ESF1: variants seen among roughly 807,000 people sequenced by gnomAD.
ESF1 encodes the protein ESF1 nucleolar pre-rRNA processing protein, also known as ESF1 homolog.
In ESF1, 58 loss-of-function variants were observed where a neutral mutation model predicts 92.0. That is an observed-to-expected ratio of 0.63 (90% confidence interval 0.51 to 0.78). ESF1 has a LOEUF of 0.78. Ranked by LOEUF, ESF1 falls within the 30% of genes least tolerant of loss-of-function variation. ESF1 has a pLI of 0.00. For missense variants in ESF1, 922 were observed against 989.1 expected (o/e 0.93, Z 0.91); for synonymous variants, 321 against 313.7 (o/e 1.02, Z -0.24).
chr20:13,734,002 G>A (rs1464663246), intron 9 of ESF1, among the ~76,000 whole-genome samples, 160 bp from the exon 10 acceptor site: 1 of 152,152 alleles, frequency 6.6e-6, no homozygotes, highest in Non-Finnish European at 1.5e-5. Flanking sequence ...ATCATACAGT[G>A]ACATAGGACC....
At position 13,776,037 on chromosome 20, in the gene ESF1, C is replaced by T. The variant is rs762837666; in HGVS notation, c.871G>A (p.Glu291Lys). Residue 291 changes from glutamate (E) to lysine (K), a missense_variant, in exon 3 of 14, where the codon GAG becomes AAG. Transcript: ENST00000617257. ...CCACTGTCACTTTTATCATCATCCT[C>T]ACTATCCTCATCTTCATCCTCCTCT... ...DEEEDEDEDS[E>K]DDDKSDSGPD... 1 of 1,613,932 alleles carries T rather than the reference C, an allele frequency of 6.2e-7. No individual in the cohort carries two copies. The highest frequency in any genetic ancestry group is 1.1e-5 in the South Asian group (1 of 91,072).
At chr20:13,730,328 C>A (rs1032341379) in intron 10 of ESF1, among the ~76,000 whole-genome samples, 1 of 151,814 alleles carries the variant, frequency 6.6e-6, no homozygotes, top group East Asian at 1.9e-4. Flanking sequence ...CCTGCCTCAG[C>A]CTCCCAAAGT....
intron 9 of ESF1, among the ~76,000 whole-genome samples, chr20:13,748,072 T>C (rs1001458838): frequency 6.6e-6 from 1 of 152,220 alleles, no homozygotes; most frequent in Admixed American, 6.5e-5. Context: ...ATAACTCTTA[T>C]GGGACCACTG....
intron 9 of ESF1, among the ~76,000 whole-genome samples, chr20:13,754,669 C>A (rs937252764): frequency 1.3e-5 from 2 of 152,278 alleles, no homozygotes; most frequent in Middle Eastern, 3.4e-3. Context: ...ATTGATCTCC[C>A]CAATTTGGTC....
chr20:13,778,972 G>A (rs970699582), intron 2 of ESF1, among the ~76,000 whole-genome samples: 1 of 152,134 alleles, frequency 6.6e-6, no homozygotes, highest in South Asian at 2.1e-4. Context: ...CCTGGGCCCA[G>A]GAAGTTGCGG....
chr20:13,717,532 A>G lies in ESF1; in HGVS notation c.2116-18T>C, dbSNP rs1350240335. The G allele has an allele frequency of 1.2e-5, 20 of 1,611,900 alleles. No homozygotes were observed. The highest frequency in any genetic ancestry group is 8.5e-7 in the Non-Finnish European group (1 of 1,179,742). Reference sequence around the variant, plus strand: ...ATTTCAGCCTGTAGAGAGCAAAAAAAAGTTCAAATGTACAACAGTGCTTTT... The same window carrying G: ...ATTTCAGCCTGTAGAGAGCAAAAAAGAGTTCAAATGTACAACAGTGCTTTT... On this transcript the variant is annotated intron_variant, in intron 12 of 13. Transcript: ENST00000617257.
chr20:13,748,592 A>ATATTTT (rs1331098586), intron 9 of ESF1, among the ~76,000 whole-genome samples: 8 of 95,722 alleles, frequency 8.4e-5, no homozygotes, highest in African/African-American at 5.1e-4. Context: ...ATATATATAT[A>ATATTTT]TTTTTTTTTT....
chr20:13,780,281 A>G (rs1157574449), intron 2 of ESF1, among the ~76,000 whole-genome samples: 1 of 152,216 alleles, frequency 6.6e-6, no homozygotes, highest in African/African-American at 2.4e-5. Context: ...AAAGATATGT[A>G]AAAAAGTCTG....
chr20:13,719,143 G>A (rs115837221), intron 11 of ESF1, among the ~76,000 whole-genome samples, 159 bp from the exon 12 acceptor site: 1,790 of 152,046 alleles, frequency 0.012, 42 homozygotes, highest in African/African-American at 0.041. Context: ...GAAGACTGTG[G>A]GTATATGAAT....
intron 10 of ESF1, among the ~76,000 whole-genome samples, chr20:13,729,212 GGCGCAACT>G (rs2049924862): frequency 6.6e-6 from 1 of 152,090 alleles, no homozygotes. Flanking sequence ...GAGCCAAGAT[GGCGCAACT>G]GCACTCCAGT....
At chr20:13,719,421 A>G (rs1568707524) in intron 11 of ESF1, among the ~76,000 whole-genome samples, 1 of 152,148 alleles carries the variant, frequency 6.6e-6, no homozygotes, top group Non-Finnish European at 1.5e-5. Context: ...GATTCCATGT[A>G]CTAGTGACAT....
chr20:13,778,709 T>C (rs964662778), intron 2 of ESF1, among the ~76,000 whole-genome samples: 2 of 152,190 alleles, frequency 1.3e-5, no homozygotes, highest in Non-Finnish European at 2.9e-5. Context: ...TCCATTTCAA[T>C]GTTTTTAACA....
intron 1 of ESF1, among the ~76,000 whole-genome samples, chr20:13,783,825 TAAGA>T (rs570497212): frequency 5.5e-4 from 83 of 152,204 alleles, no homozygotes; most frequent in African/African-American, 2.0e-3. Context: ...CAAAAAAAAG[TAAGA>T]AAGAAAGATT....
intron 11 of ESF1, 67 bp downstream of exon 11, chr20:13,728,311 T>C (rs112944456): frequency 8.2e-7 from 1 of 1,213,950 alleles, no homozygotes; most frequent in Non-Finnish European, 1.2e-6. Flanking sequence ...TTAGTTTATA[T>C]TGCTTCCATG....
chr20:13,759,868 A>T lies in ESF1; in HGVS notation c.1667-15T>A. Reference sequence around the variant, plus strand: ...TCCATCATCACCTAATGAAAAAAAAATTCACTTAATACACAGAAACAATTC... The same window carrying T: ...TCCATCATCACCTAATGAAAAAAAATTTCACTTAATACACAGAAACAATTC... On this transcript the variant is annotated splice_polypyrimidine_tract_variant and intron_variant, in intron 8 of 13. Transcript: ENST00000617257. 6.3e-7 allele frequency: 1 copy of T among 1,576,724 alleles called. No individual in the cohort carries two copies. The highest frequency in any genetic ancestry group is 2.3e-5 in the East Asian group (1 of 43,914).
intron 2 of ESF1, among the ~76,000 whole-genome samples, chr20:13,779,795 A>G (rs547226485): frequency 2.6e-5 from 4 of 152,332 alleles, no homozygotes; most frequent in African/African-American, 9.6e-5. Context: ...TCGGTCTCCC[A>G]AAGTGCTGGG....
intron 9 of ESF1, among the ~76,000 whole-genome samples, chr20:13,742,471 A>G (rs2050020469): frequency 6.6e-6 from 1 of 151,926 alleles, no homozygotes. Flanking sequence ...ACTCTGTCTC[A>G]AAAAGAAAAA....
intron 4 of ESF1, 141 bp downstream of exon 4, chr20:13,775,016 A>AT: frequency 1.8e-6 from 1 of 569,966 alleles, no homozygotes; most frequent in Non-Finnish European, 3.1e-6. Context: ...TACCTGTTAC[A>AT]TAAGTTTCAC....
intron 2 of ESF1, among the ~76,000 whole-genome samples, chr20:13,778,462 C>T (rs1468251827): frequency 3.5e-5 from 1 of 28,226 alleles, no homozygotes; most frequent in Non-Finnish European, 8.6e-5. Context: ...TTTTGAATAT[C>T]ATTTTTTTAT....
Sources: allele counts gnomAD v4.1 joint callset (sites outside exome capture counted in the v4.1 genomes callset), GRCh38; gene constraint gnomAD v4.1.1; transcripts MANE v1.5; gene names NCBI Gene and HGNC (gene_info 2026-07-23, HGNC 2026-07-21).